FOXJ3: variants seen among roughly 807,000 people sequenced by gnomAD.
The protein encoded by FOXJ3 is forkhead box protein J3.
A neutral mutation model predicts 76.1 loss-of-function variants in FOXJ3; 22 were observed. The observed-to-expected ratio is 0.29, with a 90% CI of 0.21 to 0.41. The LOEUF (loss-of-function observed/expected upper bound fraction) is 0.41, where lower values mean the gene tolerates loss of function less well. Among genes scored for constraint, FOXJ3 ranks in the 10% least tolerant of loss-of-function variants. The pLI is 1.00. For synonymous variants in FOXJ3, 269 were observed against 261.2 expected (o/e 1.03, Z -0.29); for missense variants, 613 against 762.1 (o/e 0.80, Z 2.30).
At position 42,279,978 on chromosome 1, in the gene FOXJ3, A is replaced by G. The variant is rs997414857; in HGVS notation, c.45-1306T>C. 3.3e-5 allele frequency among the ~76,000 whole-genome samples: 5 copies of G among 152,112 alleles called. No homozygotes were observed. In the East Asian group the frequency reaches 9.6e-4, roughly 29 times the overall value. On this transcript the variant is annotated intron_variant, in intron 2 of 12. Coordinates refer to ENST00000361346, the MANE Select transcript of FOXJ3 (RefSeq NM_014947.5). ...GCGGCAACAGAGAATAATAAAGAAC[A>G]GGGAGTTTGGGGTAAGGAAGACCCA...
chr1:42,232,098 C>T (rs1467266207), intron 4 of FOXJ3, among the ~76,000 whole-genome samples: 1 of 152,126 alleles, frequency 6.6e-6, no homozygotes, highest in Non-Finnish European at 1.5e-5. Flanking sequence ...GGTTTCCAGC[C>T]TCATCCATGT....
At chr1:42,220,825 T>A (rs1463103335) in intron 5 of FOXJ3, among the ~76,000 whole-genome samples, 1 of 152,188 alleles carries the variant, frequency 6.6e-6, no homozygotes, top group Non-Finnish European at 1.5e-5. Context: ...TCAAACTACC[T>A]GTGCTCAATT....
intron 4 of FOXJ3, among the ~76,000 whole-genome samples, chr1:42,262,658 G>A (rs2124620429): frequency 6.6e-6 from 1 of 152,214 alleles, no homozygotes; most frequent in East Asian, 1.9e-4. Context: ...ACACCAGCTT[G>A]GCCAAGATGG....
At chr1:42,203,024 C>G (rs565591534) in intron 6 of FOXJ3, among the ~76,000 whole-genome samples, 1 of 152,242 alleles carries the variant, frequency 6.6e-6, no homozygotes, top group East Asian at 1.9e-4. Flanking sequence ...TTAAGTTTTT[C>G]TGAATTTTCC....
intron 10 of FOXJ3, 159 bp downstream of exon 10, chr1:42,189,144 T>G (rs1388109786): frequency 1.6e-6 from 1 of 630,932 alleles, no homozygotes; most frequent in Non-Finnish European, 2.7e-6. Context: ...TCTGTGACCC[T>G]CTGCTATACC....
chr1:42,239,600 TAAAAC>T (rs1648970684), intron 4 of FOXJ3, among the ~76,000 whole-genome samples: 1 of 152,182 alleles, frequency 6.6e-6, no homozygotes, highest in Non-Finnish European at 1.5e-5. Flanking sequence ...CACATAAAAC[TAAAAC>T]AAAAGTACCT....
intron 3 of FOXJ3, among the ~76,000 whole-genome samples, chr1:42,275,500 C>G (rs948774115): frequency 6.6e-6 from 1 of 152,000 alleles, no homozygotes. Flanking sequence ...CCAGTCCAGG[C>G]AACATAGCAA....
chr1:42,251,123 A>G (rs369886607), intron 4 of FOXJ3, among the ~76,000 whole-genome samples: 45 of 152,312 alleles, frequency 3.0e-4, no homozygotes, highest in African/African-American at 1.1e-3. Flanking sequence ...ACACTACATC[A>G]AAGCATATCA....
Position 42,188,923 on chromosome 1 carries a change from T to A in FOXJ3, c.1459A>T (p.Met487Leu). 6.3e-7 allele frequency: 1 copy of A among 1,593,766 alleles called. No individual in the cohort carries two copies. Among genetic ancestry groups the A allele is most frequent in the Non-Finnish European group, 8.6e-7 (1 of 1,167,524 alleles). The change falls in exon 11 of 13, where the codon ATG (methionine) becomes TTG (leucine). Residue 487 changes from methionine (M) to leucine (L), a missense_variant. Coordinates refer to ENST00000361346, the MANE Select transcript of FOXJ3 (RefSeq NM_014947.5). ...AGATCTGCCTGTCTCATACTCTCCATCAGACCTATGAGGAAAGCATTAAAA... is the reference window on the plus strand; with the variant it reads ...AGATCTGCCTGTCTCATACTCTCCAACAGACCTATGAGGAAAGCATTAAAA... ...DVDLSQFQGL[M>L]ESMRQADLKN... is the part of the protein sequence containing the mutation.
chr1:42,280,360 A>C, intron 2 of FOXJ3: 1 of 970,774 alleles, frequency 1.0e-6, no homozygotes, highest in Non-Finnish European at 1.2e-6. Flanking sequence ...TCATTTTCTC[A>C]AATTCCCTCC....
chr1:42,271,710 A>G (rs1651879801), intron 3 of FOXJ3, among the ~76,000 whole-genome samples: 1 of 151,814 alleles, frequency 6.6e-6, no homozygotes, highest in Admixed American at 6.6e-5. Context: ...GTGTAGTGGC[A>G]TGATCATAAC....
intron 4 of FOXJ3, among the ~76,000 whole-genome samples, chr1:42,237,111 C>G (rs1648706097): frequency 6.6e-6 from 1 of 151,960 alleles, no homozygotes; most frequent in African/African-American, 2.4e-5. Flanking sequence ...CGTGGTGACT[C>G]ACACCTGTAA....
intron 7 of FOXJ3, among the ~76,000 whole-genome samples, 195 bp from the exon 8 acceptor site, chr1:42,195,259 G>A (rs893818411): frequency 5.3e-5 from 8 of 152,210 alleles, no homozygotes; most frequent in Non-Finnish European, 7.4e-5. Context: ...TTGAAGAACT[G>A]TAGAAGTCTA....
intron 4 of FOXJ3, among the ~76,000 whole-genome samples, chr1:42,237,389 T>TACATAC (rs1390531804): frequency 3.5e-4 from 41 of 117,214 alleles, no homozygotes; most frequent in African/African-American, 1.2e-3. Context: ...AATATATATA[T>TACATAC]ATACATACAT....
chr1:42,180,961 A>C (rs1163193465), intron 12 of FOXJ3, among the ~76,000 whole-genome samples: 1 of 152,234 alleles, frequency 6.6e-6, no homozygotes, highest in Non-Finnish European at 1.5e-5. Context: ...CTTACAAATT[A>C]GTAGTAAGCA....
At chr1:42,310,894 A>T (rs1654765210) in intron 2 of FOXJ3, among the ~76,000 whole-genome samples, 156 bp downstream of exon 2, 1 of 152,200 alleles carries the variant, frequency 6.6e-6, no homozygotes, top group Non-Finnish European at 1.5e-5. Flanking sequence ...AGTAAGCAGA[A>T]ATATCATTCC....
chr1:42,240,664 G>T (rs140299630), intron 4 of FOXJ3, among the ~76,000 whole-genome samples: 1 of 152,132 alleles, frequency 6.6e-6, no homozygotes, highest in Non-Finnish European at 1.5e-5. Flanking sequence ...ACATGCAAAA[G>T]AATGAAACTG....
chr1:42,193,488 A>G (rs554446234), intron 8 of FOXJ3, among the ~76,000 whole-genome samples: 1 of 147,144 alleles, frequency 6.8e-6, no homozygotes, highest in Admixed American at 6.8e-5. Context: ...TTATTTTTCT[A>G]TTGTGAATAC....
At position 42,191,541 on chromosome 1, in the gene FOXJ3, A is replaced by C; in HGVS notation, c.1113T>G (p.Ser371=). 6.2e-7 allele frequency: 1 copy of C among 1,614,006 alleles called. No homozygotes were observed. Among genetic ancestry groups the C allele is most frequent in the Non-Finnish European group, 8.5e-7 (1 of 1,180,006 alleles). The part of the protein sequence containing the change: ...GSNSVAQVSL[S]HPQMHTQPSP... Reference sequence around the variant, plus strand: ...ATGGCTGTGTGTGCATCTGGGGGTGAGACAGTGAGACCTGTGCAACCGAAT... The same window carrying C: ...ATGGCTGTGTGTGCATCTGGGGGTGCGACAGTGAGACCTGTGCAACCGAAT... Residue 371 remains serine, a synonymous_variant, in exon 9 of 13, where the codon TCT becomes TCG. Transcript: ENST00000361346.
Sources: allele counts gnomAD v4.1 joint callset (sites outside exome capture counted in the v4.1 genomes callset), GRCh38; gene constraint gnomAD v4.1.1; transcripts MANE v1.5; gene names NCBI Gene and HGNC (gene_info 2026-07-23, HGNC 2026-07-21).